The following VPS13D variants were observed in gnomAD, a reference collection of about 807,000 sequenced individuals.
VPS13D encodes the protein intermembrane lipid transfer protein VPS13D.
VPS13D carries 187 observed loss-of-function variants against 461.9 expected under a neutral mutation model. That is an observed-to-expected ratio of 0.40 (90% CI 0.36 to 0.46). The LOEUF (loss-of-function observed/expected upper bound fraction) is 0.46, where lower values mean the gene tolerates loss of function less well. Among genes scored for constraint, VPS13D ranks in the 20% least tolerant of loss-of-function variants. VPS13D has a pLI of 0.60. For synonymous variants in VPS13D, 1,951 were observed against 1,986.3 expected (o/e 0.98, Z 0.47); for missense variants, 4,711 against 5,364.9 (o/e 0.88, Z 3.81).
At chr1:12,324,730 C>T (rs1643134171) in intron 35 of VPS13D, among the ~76,000 whole-genome samples, 1 of 152,232 alleles carries the variant, frequency 6.6e-6, no homozygotes, top group African/African-American at 2.4e-5. Flanking sequence ...TAAATGTTAA[C>T]CACTGTTACT....
chr1:12,235,580 A>C (rs1640121746), intron 2 of VPS13D, among the ~76,000 whole-genome samples: 1 of 152,152 alleles, frequency 6.6e-6, no homozygotes, highest in Non-Finnish European at 1.5e-5. Flanking sequence ...CATCGCAAAA[A>C]ATAAAAAATA....
intron 42 of VPS13D, among the ~76,000 whole-genome samples, chr1:12,343,266 C>T (rs1643610063): frequency 6.6e-6 from 1 of 152,012 alleles, no homozygotes; most frequent in Non-Finnish European, 1.5e-5. Context: ...CCTCTGCCTC[C>T]TGGGATCAAG....
chr1:12,421,525 C>T (rs1644863258), intron 65 of VPS13D, among the ~76,000 whole-genome samples: 1 of 152,152 alleles, frequency 6.6e-6, no homozygotes, highest in Non-Finnish European at 1.5e-5. Context: ...ATGAAATTTC[C>T]TCTCTTATAG....
chr1:12,299,108 T>C lies in VPS13D; in HGVS notation c.6034-94T>C. 1 of 1,242,840 alleles carries C rather than the reference T, an allele frequency of 8.0e-7. No homozygotes were observed. Among genetic ancestry groups the C allele is most frequent in the Non-Finnish European group, 1.1e-6 (1 of 902,504 alleles). The allele number at this position is 1,242,840 out of a possible 1,614,324, so 77.0% of individuals were successfully genotyped here. On this transcript the variant is annotated intron_variant, in intron 24 of 69. Transcript: ENST00000620676. The surrounding 1 kb of genome is among the most constrained non-coding windows in gnomAD (Gnocchi z 4.2). ...ATGCTCTGTATGATTTTAATTGTTT[T>C]ATAAACTCACGAAACTTTTGGGAAC...
rs1340453921 is a variant in VPS13D at position 12,473,336 on chromosome 1, G to A, written c.12662+12940G>A. Reference sequence around the variant, plus strand: ...TGAAAAAGAAATAGGAAGGGGCAACGTGGCAGTCAGTGTGAAAAGAAACCA... The same window carrying A: ...TGAAAAAGAAATAGGAAGGGGCAACATGGCAGTCAGTGTGAAAAGAAACCA... On this transcript the variant is annotated intron_variant, in intron 67 of 69. Coordinates refer to ENST00000620676, the MANE Select transcript of VPS13D (RefSeq NM_015378.4). This position sits in a 1 kb window ranked among gnomAD's most constrained non-coding sequence, Gnocchi z 4.2. 6.6e-6 allele frequency among the ~76,000 whole-genome samples: 1 copy of A among 152,212 alleles called. No individual in the cohort carries two copies. Among genetic ancestry groups the A allele is most frequent in the African/African-American group, 2.4e-5 (1 of 41,450 alleles).
chr1:12,343,122 C>T, intron 42 of VPS13D, 71 bp downstream of exon 42: 1 of 1,300,380 alleles, frequency 7.7e-7, no homozygotes, highest in South Asian at 1.9e-5. Flanking sequence ...AGTGTTTTGT[C>T]TTTTTACTTT....
chr1:12,406,347 A>G (rs1644654408), intron 63 of VPS13D, among the ~76,000 whole-genome samples: 1 of 152,200 alleles, frequency 6.6e-6, no homozygotes, highest in African/African-American at 2.4e-5. Context: ...TTAGATGAAT[A>G]TATAATGGCT....
At position 12,253,826 on chromosome 1, in the gene VPS13D, G is replaced by C; in HGVS notation, c.669G>C (p.Gln223His). Residue 223 changes from glutamine to histidine, a missense_variant and splice_region_variant, in exon 7 of 70, where the codon CAG becomes CAC. By Grantham distance (24) the Gln-to-His change is conservative. Around this residue, in one of 3 missense-constraint regions of VPS13D, gnomAD observed 4,411 missense variants for 4,937.8 expected, o/e 0.89. Transcript: ENST00000620676. ...LLGDLPQMEL[Q>H]EAMARSMESR... is the part of the protein sequence containing the mutation. ...GGGATTTGCCTCAGATGGAGTTACA[G>C]GTACGATTTCGGCAGGGAGATTTGT... 6.2e-7 allele frequency: 1 copy of C among 1,613,550 alleles called. No homozygotes were observed. Among genetic ancestry groups the C allele is most frequent in the Non-Finnish European group, 8.5e-7 (1 of 1,179,558 alleles).
At chr1:12,454,227 C>T (rs537896232) in intron 65 of VPS13D, among the ~76,000 whole-genome samples, 30 of 152,262 alleles carry the variant, frequency 2.0e-4, no homozygotes, top group African/African-American at 7.0e-4. Flanking sequence ...CCAGAATGGT[C>T]GAGGGAGGAC....
Position 12,469,616 on chromosome 1 carries a change from TCG to T in VPS13D, c.12662+9221_12662+9222del. 2.0e-5 allele frequency among the ~76,000 whole-genome samples: 3 copies of T among 152,360 alleles called. 1 individual carries two copies. The South Asian group carries it at 6.2e-4, about 32-fold the overall frequency. On this transcript the variant is annotated intron_variant, in intron 67 of 69. Coordinates refer to ENST00000620676, the MANE Select transcript of VPS13D (RefSeq NM_015378.4). ...CACATATCGGCAATGATGGGCTAATTCGGACTAAACCGTAGGAGCCGCTGTAA... is the reference window on the plus strand; with the variant it reads ...CACATATCGGCAATGATGGGCTAATTGACTAAACCGTAGGAGCCGCTGTAA...
chr1:12,244,879 C>G (rs1292092385), intron 5 of VPS13D, among the ~76,000 whole-genome samples: 1 of 152,138 alleles, frequency 6.6e-6, no homozygotes, highest in Non-Finnish European at 1.5e-5. Flanking sequence ...ATTTCACTTC[C>G]CGCACTTTCT....
chr1:12,277,995 T>C lies in VPS13D; in HGVS notation c.4407T>C (p.His1469=). ...GTGCCAACAGTCAGGAGGAAGCTCA[T>C]TTCACACGACATGATTTCTTTGAAT... is the stretch of plus-strand genomic sequence containing the variant. The part of the protein sequence containing the change: ...SGSANSQEEA[H]FTRHDFFESL... Residue 1469 remains histidine, a synonymous_variant, in exon 19 of 70, where the codon CAT becomes CAC. Coordinates refer to ENST00000620676, the MANE Select transcript of VPS13D (RefSeq NM_015378.4). The C allele has an allele frequency of 6.2e-7, 1 of 1,614,150 alleles. No individual in the cohort carries two copies. The highest frequency in any genetic ancestry group is 1.1e-5 in the South Asian group (1 of 91,064).
rs1304446844 is a variant in VPS13D at position 12,276,785 on chromosome 1, T to A, written c.3197T>A (p.Val1066Asp). 35 of 1,614,060 alleles carry A rather than the reference T, an allele frequency of 2.2e-5. No homozygotes were observed. Among genetic ancestry groups the A allele is most frequent in the Non-Finnish European group, 2.9e-5 (34 of 1,180,040 alleles). Reference protein sequence around the residue: ...ATLNDRSATSVSLDKILTKEQ... With the variant: ...ATLNDRSATSDSLDKILTKEQ... ...CTGAACGACCGATCAGCTACTAGTG[T>A]TTCACTTGACAAAATTCTTACCAAA... Residue 1066 changes from valine (V) to aspartate (D), a missense_variant, in exon 19 of 70, where the codon GTT becomes GAT. Physicochemically the swap from Val to Asp is radical, Grantham distance 152. Coordinates refer to ENST00000620676, the MANE Select transcript of VPS13D (RefSeq NM_015378.4). The surrounding 1 kb of genome is among the most constrained non-coding windows in gnomAD (Gnocchi z 4.5).
chr1:12,506,750 G>C lies in VPS13D; in HGVS notation c.12795-103G>C, dbSNP rs193098541. 3,895 of 1,445,568 alleles carry C rather than the reference G, an allele frequency of 2.7e-3. 4 individuals carry two copies. Among genetic ancestry groups the C allele is most frequent in the Non-Finnish European group, 3.2e-3 (3,390 of 1,069,198 alleles). 89.5% of individuals were successfully genotyped at this position (1,445,568 alleles called of 1,614,324 possible). A position where few individuals can be genotyped will look rare whatever the true frequency, so the allele number is the denominator to read the frequency against. ...AAGTATTTCCCGGCAAGGGGGCCGG[G>C]ATTCGCACTCAGGCCCTGGGGCCAC... On this transcript the variant is annotated intron_variant, in intron 68 of 69. Transcript: ENST00000620676.
chr1:12,464,112 G>A (rs749799152), intron 67 of VPS13D, among the ~76,000 whole-genome samples: 5 of 152,176 alleles, frequency 3.3e-5, no homozygotes, highest in South Asian at 4.1e-4. Flanking sequence ...CACTATCACC[G>A]AGGGATAAAT....
intron 44 of VPS13D, 107 bp from the exon 45 acceptor site, chr1:12,348,716 T>C: frequency 7.4e-7 from 1 of 1,351,884 alleles, no homozygotes; most frequent in Non-Finnish European, 1.0e-6. Flanking sequence ...ACTGAAGAAC[T>C]ATAGTAGTAA....
chr1:12,420,973 T>A (rs1644855146), intron 65 of VPS13D, among the ~76,000 whole-genome samples: 1 of 152,232 alleles, frequency 6.6e-6, no homozygotes, highest in Non-Finnish European at 1.5e-5. Context: ...TATCCACTTG[T>A]GGAATTTCTC....
At chr1:12,437,609 C>A (rs1462939162) in intron 65 of VPS13D, among the ~76,000 whole-genome samples, 1 of 152,168 alleles carries the variant, frequency 6.6e-6, no homozygotes, top group Non-Finnish European at 1.5e-5. Context: ...ACCCTCCCCT[C>A]CCCCATCCAT....
chr1:12,402,930 G>A (rs1644599255), intron 62 of VPS13D, among the ~76,000 whole-genome samples: 1 of 152,122 alleles, frequency 6.6e-6, no homozygotes, highest in Non-Finnish European at 1.5e-5. Context: ...TGGGACAGAG[G>A]CAGCATGCAG....
Sources: allele counts gnomAD v4.1 joint callset (sites outside exome capture counted in the v4.1 genomes callset), GRCh38; gene constraint gnomAD v4.1.1; regional missense constraint gnomAD v4.1.1; non-coding constraint Gnocchi (gnomAD v3.1); transcripts MANE v1.5; gene names NCBI Gene and HGNC (gene_info 2026-07-23, HGNC 2026-07-21).